EVI5: variants seen among roughly 807,000 people sequenced by gnomAD.
EVI5 encodes ecotropic viral integration site 5.
Under a neutral mutation model 112.0 loss-of-function variants are expected in EVI5, and 73 were observed. That is an observed-to-expected ratio of 0.65 (90% CI 0.54 to 0.79). EVI5 has a LOEUF of 0.79. EVI5 is among the 30% of genes least tolerant of loss of function. The pLI, the probability that EVI5 is intolerant of heterozygous loss-of-function variation, is 0.00. For missense variants in EVI5, 900 were observed against 968.8 expected (o/e 0.93, Z 0.94); for synonymous variants, 305 against 319.9 (o/e 0.95, Z 0.50).
At position 92,533,903 on chromosome 1, in the gene EVI5, C is replaced by A. The variant is rs570128022; in HGVS notation, c.2167-19933G>T. 3.3e-5 allele frequency among the ~76,000 whole-genome samples: 5 copies of A among 152,140 alleles called. No homozygotes were observed. The East Asian group carries it at 9.6e-4, about 29-fold the overall frequency. On this transcript the variant is annotated intron_variant, in intron 19 of 19. Transcript: ENST00000684568. The stretch of plus-strand genomic sequence containing the variant: ...GATGCCCTCTCTCACCACTCCTAGT[C>A]AACATAGTGTTGGAAGTTCTGGCCA...
intron 9 of EVI5, among the ~76,000 whole-genome samples, chr1:92,688,381 A>G (rs1236995854): frequency 6.6e-6 from 1 of 152,150 alleles, no homozygotes; most frequent in African/African-American, 2.4e-5. Context: ...TATAATAATA[A>G]TAATAAAGAA....
intron 9 of EVI5, among the ~76,000 whole-genome samples, chr1:92,680,434 C>G (rs2102347014): frequency 6.6e-6 from 1 of 152,154 alleles, no homozygotes. Flanking sequence ...TAAAATAATC[C>G]ATGAATTCAC....
chr1:92,772,810 G>A (rs1381211517), intron 1 of EVI5, among the ~76,000 whole-genome samples: 1 of 149,770 alleles, frequency 6.7e-6, no homozygotes, highest in South Asian at 2.1e-4. Flanking sequence ...GGAGGCTGAG[G>A]CAGGAGAATC....
At chr1:92,552,858 G>A (rs1667148102) in intron 19 of EVI5, among the ~76,000 whole-genome samples, 1 of 151,204 alleles carries the variant, frequency 6.6e-6, no homozygotes, top group Non-Finnish European at 1.5e-5. Context: ...TTCTTTTCTA[G>A]GTGGTTTCCT....
intron 13 of EVI5, among the ~76,000 whole-genome samples, chr1:92,654,405 C>T (rs1438467079): frequency 6.6e-6 from 1 of 152,096 alleles, no homozygotes; most frequent in East Asian, 1.9e-4. Context: ...TACACTACTA[C>T]TACAACTAGC....
chr1:92,538,445 C>T (rs1298018174), intron 19 of EVI5, among the ~76,000 whole-genome samples: 2 of 152,164 alleles, frequency 1.3e-5, no homozygotes, highest in Non-Finnish European at 1.5e-5. Flanking sequence ...AAATGAAGTA[C>T]TTCTTTTCTA....
chr1:92,719,630 C>G (rs1674397432), intron 2 of EVI5, among the ~76,000 whole-genome samples: 1 of 152,088 alleles, frequency 6.6e-6, no homozygotes, highest in Non-Finnish European at 1.5e-5. Flanking sequence ...CCTTTGAAAA[C>G]CGGCACAAGA....
At chr1:92,648,395 T>TA (rs1006056682) in intron 13 of EVI5, among the ~76,000 whole-genome samples, 9 of 150,628 alleles carry the variant, frequency 6.0e-5, no homozygotes, top group Admixed American at 1.3e-4. Context: ...ATAATAAAAA[T>TA]AAAAAAATAA....
At chr1:92,604,862 C>T (rs1039451825) in intron 18 of EVI5, among the ~76,000 whole-genome samples, 2 of 152,122 alleles carry the variant, frequency 1.3e-5, no homozygotes, top group African/African-American at 4.8e-5. Flanking sequence ...GGGACCATTA[C>T]CATATATGCT....
intron 16 of EVI5, among the ~76,000 whole-genome samples, chr1:92,621,898 G>A (rs1307855862): frequency 6.6e-6 from 1 of 151,958 alleles, no homozygotes. Flanking sequence ...CAAGGTGGGT[G>A]GATCACAAGG....
chr1:92,737,941 G>C (rs189649737), intron 1 of EVI5, among the ~76,000 whole-genome samples: 171 of 152,246 alleles, frequency 1.1e-3, no homozygotes, highest in African/African-American at 4.0e-3. Context: ...TCCCCTTTTA[G>C]AACTTACTTC....
At chr1:92,523,821 T>C (rs1192422620) in intron 19 of EVI5, among the ~76,000 whole-genome samples, 9 of 152,056 alleles carry the variant, frequency 5.9e-5, no homozygotes, top group Non-Finnish European at 1.0e-4. Flanking sequence ...CATGGTGACT[T>C]ACGCTTGTAA....
chr1:92,615,349 G>T (rs760006157), intron 16 of EVI5, among the ~76,000 whole-genome samples: 1 of 152,138 alleles, frequency 6.6e-6, no homozygotes, highest in Non-Finnish European at 1.5e-5. Flanking sequence ...CCTCAAATCT[G>T]CTAAGATTGC....
chr1:92,682,783 G>A (rs570085231), intron 9 of EVI5, among the ~76,000 whole-genome samples: 1 of 152,216 alleles, frequency 6.6e-6, no homozygotes, highest in African/African-American at 2.4e-5. Flanking sequence ...TTGTACTCAG[G>A]TATCATCTCC....
intron 2 of EVI5, among the ~76,000 whole-genome samples, chr1:92,729,368 C>T (rs1192045652): frequency 6.6e-6 from 1 of 152,052 alleles, no homozygotes; most frequent in Non-Finnish European, 1.5e-5. Flanking sequence ...GGAAAGTATC[C>T]CGCACACATA....
At chr1:92,773,593 G>T (rs1683733262) in intron 1 of EVI5, among the ~76,000 whole-genome samples, 1 of 152,106 alleles carries the variant, frequency 6.6e-6, no homozygotes, top group Non-Finnish European at 1.5e-5. Flanking sequence ...ACTGAGCTAT[G>T]ATCACACTAC....
rs551865642 is a variant in EVI5, at chr1:92,707,278, G to T, written c.150-2534C>A. On this transcript the variant is annotated intron_variant, in intron 2 of 19. Transcript: ENST00000684568. ...ACATAAGGAAACAGTAACTACAAAA[G>T]AAAAAATTGATTTAAAAACTGGACT... Among the ~76,000 whole-genome samples, 148 of 145,970 alleles carry T rather than the reference G, an allele frequency of 1.0e-3. 1 individual carries two copies. The South Asian group carries it at 0.018, about 18-fold the overall frequency.
At chr1:92,604,548 T>A (rs1649929154) in intron 18 of EVI5, among the ~76,000 whole-genome samples, 1 of 152,178 alleles carries the variant, frequency 6.6e-6, no homozygotes, top group Non-Finnish European at 1.5e-5. Flanking sequence ...TCCTGAAGGA[T>A]CTGAGACTGT....
At chr1:92,606,212 G>A (rs1360184756) in intron 17 of EVI5, among the ~76,000 whole-genome samples, 3 of 152,100 alleles carry the variant, frequency 2.0e-5, no homozygotes, top group Non-Finnish European at 4.4e-5. Flanking sequence ...CCATTACTTA[G>A]ACAAGTTCAA....
Sources: gnomAD v4.1 joint callset for allele counts (sites outside exome capture counted in the v4.1 genomes callset) on GRCh38, gnomAD v4.1.1 for gene constraint, MANE v1.5 for transcripts, NCBI Gene and HGNC (gene_info 2026-07-23, HGNC 2026-07-21) for gene names.